SGMS1: variants seen among roughly 807,000 people sequenced by gnomAD.
SGMS1 encodes sphingomyelin synthase 1, also known as phosphatidylcholine:ceramide cholinephosphotransferase 1.
A neutral mutation model predicts 46.2 loss-of-function variants in SGMS1; 13 were observed. The ratio of observed to expected loss-of-function variants is 0.28; its 90% CI spans 0.18 to 0.45. SGMS1 has a LOEUF of 0.45. SGMS1 is among the 20% of genes least tolerant of loss of function. SGMS1 has a pLI of 1.00. For synonymous variants in SGMS1, 203 were observed against 187.8 expected (o/e 1.08, Z -0.66); for missense variants, 324 against 519.9 (o/e 0.62, Z 3.66).
chr10:50,394,499 C>T (rs1268861687), intron 6 of SGMS1, among the ~76,000 whole-genome samples: 1 of 152,188 alleles, frequency 6.6e-6, no homozygotes, highest in Non-Finnish European at 1.5e-5. Flanking sequence ...CAGTTGGAAA[C>T]CCCATTTGCC....
chr10:50,371,352 A>G (rs1305602946), intron 6 of SGMS1, among the ~76,000 whole-genome samples: 1 of 152,164 alleles, frequency 6.6e-6, no homozygotes, highest in African/African-American at 2.4e-5. Context: ...AGCTTCCTCA[A>G]TACTGCTCCC....
intron 2 of SGMS1, among the ~76,000 whole-genome samples, chr10:50,526,854 C>T (rs571699243): frequency 1.3e-5 from 2 of 152,032 alleles, no homozygotes; most frequent in South Asian, 2.1e-4. Context: ...ATCACGAGGT[C>T]AAGAGATCGA....
intron 8 of SGMS1, among the ~76,000 whole-genome samples, chr10:50,322,660 G>T (rs894232494): frequency 1.3e-5 from 2 of 150,874 alleles, no homozygotes; most frequent in Non-Finnish European, 3.0e-5. Context: ...GTGAAACCCC[G>T]TCTCTACTAA....
At chr10:50,505,785 C>T (rs1274033346) in intron 3 of SGMS1, among the ~76,000 whole-genome samples, 2 of 152,116 alleles carry the variant, frequency 1.3e-5, no homozygotes, top group African/African-American at 4.8e-5. Context: ...CTGAAGTGGT[C>T]AGGGAAAGTC....
intron 2 of SGMS1, among the ~76,000 whole-genome samples, chr10:50,562,337 AGTGT>A (rs758431447): frequency 4.6e-4 from 61 of 132,338 alleles, no homozygotes; most frequent in Middle Eastern, 4.3e-3. Flanking sequence ...ACACTCTCTG[AGTGT>A]GTGTGTGTGT....
chr10:50,531,240 C>T lies in SGMS1; in HGVS notation c.-588-11319G>A, dbSNP rs554381022. Among the ~76,000 whole-genome samples, 10 of 152,326 alleles carry T rather than the reference C, an allele frequency of 6.6e-5. No homozygotes were observed. In the South Asian group the frequency reaches 1.0e-3, roughly 16 times the overall value. On this transcript the variant is annotated intron_variant, in intron 2 of 10. Coordinates refer to ENST00000361781, the MANE Select transcript of SGMS1 (RefSeq NM_147156.4). ...AATCTTGCTATCACCCATGTGTGCT[C>T]ATGGGTTTCATATTTTAAATGGAAC...
intron 2 of SGMS1, among the ~76,000 whole-genome samples, chr10:50,540,723 C>T (rs1298901043): frequency 6.6e-6 from 1 of 152,178 alleles, no homozygotes; most frequent in Non-Finnish European, 1.5e-5. Flanking sequence ...TAGTGGGCAA[C>T]TGCCAGGTCA....
chr10:50,568,478 A>C (rs1369003225), intron 2 of SGMS1, among the ~76,000 whole-genome samples: 1 of 152,146 alleles, frequency 6.6e-6, no homozygotes, highest in Non-Finnish European at 1.5e-5. Flanking sequence ...ATCCCTTCAG[A>C]ATTCCCATCA....
At chr10:50,604,899 C>T (rs1248034017) in intron 1 of SGMS1, among the ~76,000 whole-genome samples, 2 of 152,176 alleles carry the variant, frequency 1.3e-5, no homozygotes, top group Non-Finnish European at 2.9e-5. Context: ...GTAAACTCAC[C>T]GATAAGCCTC....
intron 6 of SGMS1, among the ~76,000 whole-genome samples, chr10:50,422,306 C>T (rs1356876668): frequency 1.3e-5 from 2 of 152,076 alleles, no homozygotes; most frequent in African/African-American, 4.8e-5. Flanking sequence ...ATATAACAGC[C>T]ACAAAGGAGA....
intron 2 of SGMS1, among the ~76,000 whole-genome samples, chr10:50,571,256 T>C (rs1262356432): frequency 2.0e-5 from 3 of 152,236 alleles, no homozygotes; most frequent in East Asian, 1.9e-4. Context: ...AAAATATATC[T>C]ACATGAGGCT....
In SGMS1 at chr10:50,306,008, A is replaced by G. The variant is rs1043037562; in HGVS notation, c.*1134T>C. On this transcript the variant is annotated 3_prime_UTR_variant, in exon 11 of 11. Transcript: ENST00000361781. ...TAGATCTCTTTTTTGTTGTTCACCA[A>G]CAAAATTGTCATGAGAGTATGGATA... The G allele has an allele frequency of 6.5e-6, 1 of 152,728 alleles. No homozygotes were observed. The highest frequency in any genetic ancestry group is 2.4e-5 in the African/African-American group (1 of 41,470). The allele number at this position is 152,728 out of a possible 1,614,324, so 9.5% of individuals were successfully genotyped here. A position where few individuals can be genotyped will look rare whatever the true frequency, so the allele number is the denominator to read the frequency against.
chr10:50,352,581 G>C (rs1021515547), intron 6 of SGMS1, among the ~76,000 whole-genome samples: 2 of 152,152 alleles, frequency 1.3e-5, no homozygotes, highest in Non-Finnish European at 2.9e-5. Flanking sequence ...AAGTTTTAGA[G>C]ATAAGTAAAC....
At chr10:50,421,429 C>A (rs573869477) in intron 6 of SGMS1, among the ~76,000 whole-genome samples, 1 of 152,244 alleles carries the variant, frequency 6.6e-6, no homozygotes, top group Admixed American at 6.5e-5. Context: ...AATTCCATTC[C>A]CCACCTGAAT....
At chr10:50,446,742 G>C (rs1564916053) in intron 5 of SGMS1, among the ~76,000 whole-genome samples, 2 of 152,220 alleles carry the variant, frequency 1.3e-5, no homozygotes, top group Non-Finnish European at 2.9e-5. Context: ...TTGCCTCTGG[G>C]ATGGCACACC....
intron 2 of SGMS1, among the ~76,000 whole-genome samples, chr10:50,538,047 T>C (rs1838019101): frequency 6.6e-6 from 1 of 151,876 alleles, no homozygotes; most frequent in Non-Finnish European, 1.5e-5. Flanking sequence ...AAAGTTACAG[T>C]GAGCTATGAT....
At chr10:50,564,481 G>C (rs985958074) in intron 2 of SGMS1, among the ~76,000 whole-genome samples, 2 of 152,094 alleles carry the variant, frequency 1.3e-5, no homozygotes, top group African/African-American at 2.4e-5. Flanking sequence ...ATGACCATGG[G>C]GCCAGTAAGA....
At chr10:50,419,267 G>T (rs1308524275) in intron 6 of SGMS1, among the ~76,000 whole-genome samples, 1 of 152,150 alleles carries the variant, frequency 6.6e-6, no homozygotes, top group Non-Finnish European at 1.5e-5. Context: ...ATGCTGTCTT[G>T]TCCCTCTGAG....
At chr10:50,412,707 CATAAT>C (rs2133574374) in intron 6 of SGMS1, among the ~76,000 whole-genome samples, 1 of 143,138 alleles carries the variant, frequency 7.0e-6, no homozygotes, top group South Asian at 2.1e-4. Context: ...ATTTAAGAGA[CATAAT>C]ATCAAGAGTA....
Sources: gnomAD v4.1 joint callset for allele counts (sites outside exome capture counted in the v4.1 genomes callset) on GRCh38, gnomAD v4.1.1 for gene constraint, MANE v1.5 for transcripts, NCBI Gene and HGNC (gene_info 2026-07-23, HGNC 2026-07-21) for gene names.